The following CYP11B2 variants were observed in gnomAD, a reference collection of about 807,000 sequenced individuals.
The protein encoded by CYP11B2 is cytochrome P450 11B2, mitochondrial.
A neutral mutation model predicts 49.3 loss-of-function variants in CYP11B2; 38 were observed. The observed-to-expected ratio is 0.77, with a 90% confidence interval of 0.59 to 1.01. The LOEUF is 1.01. Among genes scored for constraint, CYP11B2 ranks in the 50% least tolerant of loss-of-function variants. The pLI is 0.00. For synonymous variants in CYP11B2, 290 were observed against 269.3 expected (o/e 1.08, Z -0.75); for missense variants, 669 against 655.5 (o/e 1.02, Z -0.23).
At position 142,914,916 on chromosome 8, in the gene CYP11B2, G is replaced by A; in HGVS notation, c.596-8C>T. The A allele has an allele frequency of 1.2e-6, 2 of 1,613,562 alleles. No individual in the cohort carries two copies. The stretch of plus-strand genomic sequence containing the variant: ...AAAGAGCTAAGTTGCTGGCTGCGGG[G>A]AGGATGCACTGCTGAGCACAAGGCA... On this transcript the variant is annotated splice_polypyrimidine_tract_variant and splice_region_variant and intron_variant, in intron 3 of 8. Coordinates refer to ENST00000323110, the MANE Select transcript of CYP11B2 (RefSeq NM_000498.3).
In CYP11B2 at chr8:142,913,391, T is replaced by C. The variant is rs140405063; in HGVS notation, c.1015A>G (p.Ile339Val). ...GCGGCCAGGCTCTCCTGGCGCAGGA[T>C]CTGCTGCACGTCGGGGTTCCGAGCC... ...ELARNPDVQQILRQESLAAAA... is the reference protein window; with the variant it reads ...ELARNPDVQQVLRQESLAAAA... Residue 339 changes from isoleucine to valine, a missense_variant, in exon 6 of 9, where the codon ATC (isoleucine) becomes GTC (valine). By Grantham distance (29) the Ile-to-Val change is conservative (BLOSUM62 3). Coordinates refer to ENST00000323110, the MANE Select transcript of CYP11B2 (RefSeq NM_000498.3). The C allele has an allele frequency of 8.4e-4, 1,361 of 1,613,808 alleles. 10 individuals carry two copies. The African/African-American group carries it at 0.015, about 18-fold the overall frequency.
Position 142,912,066 on chromosome 8 carries a change from G to A in CYP11B2, c.1426C>T (p.Leu476=), listed in dbSNP as rs2130323394. Reference sequence around the variant, plus strand: ...ACCATCTTTATGTCCTCTTGAGTTAGTGTCTCCACCAGGAAGTGCTTCAGC... The same window carrying A: ...ACCATCTTTATGTCCTCTTGAGTTAATGTCTCCACCAGGAAGTGCTTCAGC... ...HVLKHFLVET[L]TQEDIKMVYS... The change falls in exon 9 of 9, where the codon CTA becomes TTA. Residue 476 remains leucine (L), a synonymous_variant. Transcript: ENST00000323110. 1 of 1,614,078 alleles carries A rather than the reference G, an allele frequency of 6.2e-7. No homozygotes were observed.
At chr8:142,915,868 C>A (rs907213964) in intron 2 of CYP11B2, among the ~76,000 whole-genome samples, 2 of 152,174 alleles carry the variant, frequency 1.3e-5, no homozygotes, top group South Asian at 2.1e-4. Context: ...CAGCCACATT[C>A]CTGCAAAACT....
At chr8:142,913,022 C>T in intron 6 of CYP11B2, 137 bp from the exon 7 acceptor site, 1 of 930,546 alleles carries the variant, frequency 1.1e-6, no homozygotes, top group South Asian at 1.5e-5. Context: ...CTTCCTTGCA[C>T]CTGCTGAGCC....
intron 2 of CYP11B2, among the ~76,000 whole-genome samples, chr8:142,915,518 G>C (rs183883962): frequency 2.4e-4 from 35 of 143,042 alleles, no homozygotes; most frequent in Admixed American, 1.3e-3. Context: ...GGGACCTGGC[G>C]ACCCAAGTCT....
Position 142,915,057 on chromosome 8 carries a change from T to C in CYP11B2, c.584A>G (p.Tyr195Cys), listed in dbSNP as rs1817617882. ...TLDVQPSIFH[Y>C]TIEASNLALF... ...CGCATGGCCCACACCTTCTATGGTGTAGTGGAAGATGCTGGGCTGGACGTC... is the reference window on the plus strand; with the variant it reads ...CGCATGGCCCACACCTTCTATGGTGCAGTGGAAGATGCTGGGCTGGACGTC... The change falls in exon 3 of 9, where the codon TAC becomes TGC. Residue 195 changes from tyrosine (Y) to cysteine (C), a missense_variant. Coordinates refer to ENST00000323110, the MANE Select transcript of CYP11B2 (RefSeq NM_000498.3). The C allele has an allele frequency of 1.2e-6, 2 of 1,613,648 alleles. No homozygotes were observed. Among genetic ancestry groups the C allele is most frequent in the Admixed American group, 1.7e-5 (1 of 59,964 alleles).
intron 2 of CYP11B2, among the ~76,000 whole-genome samples, chr8:142,915,679 T>G (rs1817632343): frequency 7.8e-6 from 1 of 127,922 alleles, no homozygotes; most frequent in Non-Finnish European, 1.9e-5. Flanking sequence ...CTCCCCACCC[T>G]TCCCCGCCCT....
Position 142,911,834 on chromosome 8 carries a change from G to A in CYP11B2, c.*146C>T, listed in dbSNP as rs1045140202. 5 of 1,233,512 alleles carry A rather than the reference G, an allele frequency of 4.1e-6. No individual in the cohort carries two copies. The highest frequency in any genetic ancestry group is 5.7e-6 in the Non-Finnish European group (5 of 881,376). 76.4% of individuals were successfully genotyped at this position (1,233,512 alleles called of 1,614,324 possible). A position where few individuals can be genotyped will look rare whatever the true frequency, so the allele number is the denominator to read the frequency against. ...AAGCCTGGCAAGCCCCAGTCCTGGA[G>A]GCCCTGGGGAGTTCCATTTGTGCAG... is the stretch of plus-strand genomic sequence containing the variant. On this transcript the variant is annotated 3_prime_UTR_variant, in exon 9 of 9. Transcript: ENST00000323110.
At position 142,917,070 on chromosome 8, in the gene CYP11B2, G is replaced by A. The variant is rs147927980; in HGVS notation, c.384C>T (p.Gly128=). 3.7e-5 allele frequency: 60 copies of A among 1,614,110 alleles called. No homozygotes were observed. Among genetic ancestry groups the A allele is most frequent in the Admixed American group, 2.3e-4 (14 of 60,026 alleles). ...AYRQHRGHKC[G]VFLLNGPEWR... is the part of the protein sequence containing the mutation. ...AACTCGCCGCTTACAACAAGAACAC[G>A]CCACATTTGTGCCCACGATGTTGTC... The change falls in exon 2 of 9, where the codon GGC becomes GGT. Residue 128 remains glycine (G), a synonymous_variant. Transcript: ENST00000323110.
In CYP11B2 at chr8:142,916,908, G is replaced by A. The variant is rs1277104300; in HGVS notation, c.395+151C>T. ...CCACAGTGCAGACGCGACCCCACAG[G>A]ATGGCCGTCCTCTGGGCCGGGTGCT... is the stretch of plus-strand genomic sequence containing the variant. On this transcript the variant is annotated intron_variant, in intron 2 of 8. Transcript: ENST00000323110. The A allele has an allele frequency of 6.3e-5, 79 of 1,246,502 alleles. 1 individual carries two copies. The highest frequency in any genetic ancestry group is 1.8e-4 in the South Asian group (14 of 76,714). 77.2% of individuals were successfully genotyped at this position (1,246,502 alleles called of 1,614,324 possible).
Position 142,912,617 on chromosome 8 carries a change from G to A in CYP11B2, c.1311C>T (p.Asn437=), listed in dbSNP as rs1163843561. 1 of 1,614,236 alleles carries A rather than the reference G, an allele frequency of 6.2e-7. No homozygotes were observed. Among genetic ancestry groups the A allele is most frequent in the Non-Finnish European group, 8.5e-7 (1 of 1,180,034 alleles). Residue 437 remains asparagine, a synonymous_variant, in exon 8 of 9, where the codon AAC becomes AAT. Transcript: ENST00000323110. ...RWLDIRGSGR[N]FHHVPFGFGM... is the part of the protein sequence containing the mutation. ...CAAAGCCAAAGGGCACGTGGTGGAAGTTCCTGCCGGAGCCCCTGATGTCTA... is the reference window on the plus strand; with the variant it reads ...CAAAGCCAAAGGGCACGTGGTGGAAATTCCTGCCGGAGCCCCTGATGTCTA...
chr8:142,914,156 C>T, intron 5 of CYP11B2, 108 bp downstream of exon 5: 1 of 1,299,176 alleles, frequency 7.7e-7, no homozygotes, highest in South Asian at 1.2e-5. Flanking sequence ...AATGTGGGGC[C>T]TGTAGCCTGG....
At chr8:142,916,851 C>T (rs1010436630) in intron 2 of CYP11B2, among the ~76,000 whole-genome samples, 1 of 152,120 alleles carries the variant, frequency 6.6e-6, no homozygotes, top group Non-Finnish European at 1.5e-5. Context: ...GTGCCCGTGC[C>T]CATTTCTCCA....
intron 2 of CYP11B2, among the ~76,000 whole-genome samples, chr8:142,916,239 T>C (rs1053132892): frequency 1.3e-5 from 2 of 152,110 alleles, no homozygotes; most frequent in African/African-American, 2.4e-5. Flanking sequence ...GGGTCCTGAC[T>C]CTCTCCCAGA....
intron 8 of CYP11B2, 98 bp from the exon 9 acceptor site, chr8:142,912,191 G>A: frequency 1.3e-6 from 2 of 1,577,070 alleles, no homozygotes; most frequent in Non-Finnish European, 1.7e-6. Context: ...TATGCTGAAG[G>A]GGGAGCAGCA....
intron 2 of CYP11B2, 77 bp from the exon 3 acceptor site, chr8:142,915,322 C>T: frequency 7.6e-7 from 1 of 1,320,110 alleles, no homozygotes; most frequent in Non-Finnish European, 1.1e-6. Flanking sequence ...TCCTCCTTGT[C>T]CCCAAGGGGA....
At chr8:142,914,022 C>A in intron 5 of CYP11B2, 3 of 637,316 alleles carry the variant, frequency 4.7e-6, no homozygotes, top group Non-Finnish European at 8.7e-6. Flanking sequence ...TTTCTTCCAG[C>A]CTGGAGCATG....
At chr8:142,916,482 G>A in intron 2 of CYP11B2, 3 of 454,406 alleles carry the variant, frequency 6.6e-6, no homozygotes, top group Non-Finnish European at 1.3e-5. Context: ...CCACGGGCCA[G>A]GAAACATCCT....
chr8:142,914,971 C>T, intron 3 of CYP11B2, 63 bp from the exon 4 acceptor site: 1 of 1,610,818 alleles, frequency 6.2e-7, no homozygotes, highest in East Asian at 2.2e-5. Context: ...CCTCCCCACA[C>T]TCCCTTCAGT....
Sources: gnomAD v4.1 joint callset for allele counts (sites outside exome capture counted in the v4.1 genomes callset) on GRCh38, gnomAD v4.1.1 for gene constraint, MANE v1.5 for transcripts, NCBI Gene and HGNC (gene_info 2026-07-23, HGNC 2026-07-21) for gene names.